The following POLR1B variants were observed in gnomAD, a reference collection of about 807,000 sequenced individuals.
POLR1B encodes DNA-directed RNA polymerase I subunit RPA2.
In POLR1B, 30 loss-of-function variants were observed where a neutral mutation model predicts 105.8. The ratio of observed to expected loss-of-function variants is 0.28; its 90% confidence interval spans 0.21 to 0.38. The LOEUF (loss-of-function observed/expected upper bound fraction) is 0.38, where lower values mean the gene tolerates loss of function less well. POLR1B is among the 10% of genes least tolerant of loss of function. POLR1B has a pLI of 1.00. For missense variants in POLR1B, 976 were observed against 1,435.8 expected, an observed-to-expected ratio of 0.68 and a Z score of 5.17; for synonymous variants, 485 against 505.1, an observed-to-expected ratio of 0.96 and a Z score of 0.53.
intron 7 of POLR1B, among the ~76,000 whole-genome samples, chr2:112,557,319 T>G (rs144371184): frequency 1.5e-3 from 230 of 152,328 alleles, no homozygotes; most frequent in Admixed American, 2.5e-3. Context: ...GCTGTAATTT[T>G]GGAATTGCAG....
intron 7 of POLR1B, among the ~76,000 whole-genome samples, chr2:112,554,237 A>G (rs867643925): frequency 1.3e-4 from 20 of 152,090 alleles, no homozygotes; most frequent in African/African-American, 3.9e-4. Context: ...GGTTCAAACA[A>G]TTCTCCTGCC....
chr2:112,550,708 T>G, intron 4 of POLR1B, 158 bp from the exon 5 acceptor site: 3 of 678,392 alleles, frequency 4.4e-6, no homozygotes, highest in East Asian at 5.5e-5. Flanking sequence ...AAGAGGACAT[T>G]TGCTGAGGTT....
Position 112,542,560 on chromosome 2 carries a change from C to T in POLR1B, c.66C>T (p.Pro22=), listed in dbSNP as rs1682812007. Residue 22 remains proline (P), a synonymous_variant, in exon 1 of 15, where the codon CCC becomes CCT. Transcript: ENST00000263331. ...SGPSLKHLTD[P]SYGIPREQQK... is the part of the protein sequence containing the mutation. Reference sequence around the variant, plus strand: ...CTAGCCTAAAGCACTTGACTGACCCCTCTTATGGAATCCCGCGGGAACAGC... The same window carrying T: ...CTAGCCTAAAGCACTTGACTGACCCTTCTTATGGAATCCCGCGGGAACAGC... 6.2e-7 allele frequency: 1 copy of T among 1,614,210 alleles called. No homozygotes were observed. The highest frequency in any genetic ancestry group is 1.1e-5 in the South Asian group (1 of 91,086).
At position 112,549,385 on chromosome 2, in the gene POLR1B, G is replaced by A. The variant is rs751866321; in HGVS notation, c.611G>A (p.Gly204Asp). The change falls in exon 4 of 15, where the codon GGT becomes GAT. Residue 204 changes from glycine to aspartate, a missense_variant. Transcript: ENST00000263331. Reference sequence around the variant, plus strand: ...CCAAAATGGAAAACCAGAGGGCCTGGTTATACTCAGTATGGTAAGTTCTGG... The same window carrying A: ...CCAAAATGGAAAACCAGAGGGCCTGATTATACTCAGTATGGTAAGTTCTGG... ...IRPKWKTRGP[G>D]YTQYGVSMHC... 4.3e-6 allele frequency: 7 copies of A among 1,611,224 alleles called. No individual in the cohort carries two copies. The highest frequency in any genetic ancestry group is 5.1e-6 in the Non-Finnish European group (6 of 1,178,876).
chr2:112,567,854 G>A (rs1224984158), intron 10 of POLR1B, 113 bp from the exon 11 acceptor site: 1 of 872,098 alleles, frequency 1.1e-6, no homozygotes, highest in Non-Finnish European at 1.8e-6. Context: ...CAAGGAAGTA[G>A]GGCTTTTACC....
At chr2:112,545,323 C>T (rs1467003628) in intron 1 of POLR1B, among the ~76,000 whole-genome samples, 1 of 152,068 alleles carries the variant, frequency 6.6e-6, no homozygotes, top group Non-Finnish European at 1.5e-5. Context: ...GTGTATTGAT[C>T]AGTGGATGAA....
intron 1 of POLR1B, among the ~76,000 whole-genome samples, chr2:112,544,881 T>A (rs1574086562): frequency 1.3e-5 from 2 of 152,174 alleles, no homozygotes; most frequent in African/African-American, 2.4e-5. Context: ...TTTTTATTAC[T>A]TGGGGATTCC....
rs534764498 is a variant in POLR1B at position 112,579,109 on chromosome 2, G to A, written c.*3380G>A. ...TGTAATCCCAGCTACTCAGGAGGCTGAGACAGGAGAATCACTTGAACCCAG... is the reference window on the plus strand; with the variant it reads ...TGTAATCCCAGCTACTCAGGAGGCTAAGACAGGAGAATCACTTGAACCCAG... On this transcript the variant is annotated 3_prime_UTR_variant, in exon 15 of 15. Coordinates refer to ENST00000263331, the MANE Select transcript of POLR1B (RefSeq NM_019014.6). Among the ~76,000 whole-genome samples the A allele has an allele frequency of 1.2e-4, 18 of 147,620 alleles. No homozygotes were observed. The highest frequency in any genetic ancestry group is 2.7e-4 in the African/African-American group (11 of 40,174).
In POLR1B at chr2:112,568,959, A is replaced by G. The variant is rs954623467; in HGVS notation, c.2074+57A>G. 2.7e-6 allele frequency: 4 copies of G among 1,507,394 alleles called. No individual in the cohort carries two copies. In the African/African-American group the frequency reaches 5.5e-5, roughly 21 times the overall value. 93.4% of individuals were successfully genotyped at this position (1,507,394 alleles called of 1,614,324 possible). On this transcript the variant is annotated intron_variant, in intron 12 of 14. Coordinates refer to ENST00000263331, the MANE Select transcript of POLR1B (RefSeq NM_019014.6). ...TCAGGAAAGTAAACTTGATACTAGC[A>G]CACTCTTTTATTGTCCTTATTTACA...
intron 10 of POLR1B, among the ~76,000 whole-genome samples, chr2:112,567,491 C>T (rs1308562851): frequency 6.6e-6 from 1 of 151,942 alleles, no homozygotes; most frequent in Non-Finnish European, 1.5e-5. Flanking sequence ...GTGATCCTCC[C>T]ACCTCAGCCT....
At chr2:112,562,978 C>T (rs1246331966) in intron 9 of POLR1B, among the ~76,000 whole-genome samples, 1 of 151,560 alleles carries the variant, frequency 6.6e-6, no homozygotes, top group Non-Finnish European at 1.5e-5. Flanking sequence ...ATCTGCCTGC[C>T]TCGGCCTCCC....
chr2:112,551,663 A>G lies in POLR1B; in HGVS notation c.763-112A>G, dbSNP rs1471482663. 6.0e-6 allele frequency: 5 copies of G among 829,666 alleles called. No homozygotes were observed. The Admixed American group carries it at 1.1e-4, about 18-fold the overall frequency. 51.4% of individuals were successfully genotyped at this position (829,666 alleles called of 1,614,324 possible). ...GAGTTTACTTTGATTCAGCAATAGC[A>G]GAGTGCTAATTTTCCTTGGGTATTA... On this transcript the variant is annotated intron_variant, in intron 5 of 14. Coordinates refer to ENST00000263331, the MANE Select transcript of POLR1B (RefSeq NM_019014.6).
intron 9 of POLR1B, among the ~76,000 whole-genome samples, chr2:112,561,966 G>A (rs1684012668): frequency 6.6e-6 from 1 of 151,918 alleles, no homozygotes; most frequent in South Asian, 2.1e-4. Context: ...GCCACCATGC[G>A]AAGCCTGGAA....
Position 112,552,755 on chromosome 2 carries a change from C to T in POLR1B, c.1097C>T (p.Pro366Leu). 1.2e-6 allele frequency: 2 copies of T among 1,610,208 alleles called. No individual in the cohort carries two copies. Among genetic ancestry groups the T allele is most frequent in the Non-Finnish European group, 1.7e-6 (2 of 1,178,560 alleles). ...LAKGECMEDN[P>L]DSLVNQEVLT... is the part of the protein sequence containing the mutation. ...AAAGGAGAGTGCATGGAGGACAATC[C>T]TGATAGTTTGGTGAACCAGGAAGTC... The change falls in exon 7 of 15, where the codon CCT becomes CTT. Residue 366 changes from proline to leucine, a missense_variant. Pro to Leu is a moderately conservative substitution (Grantham distance 98). Around this residue, in one of 12 missense-constraint regions of POLR1B, gnomAD observed 452 missense variants for 616.5 expected, o/e 0.73. Transcript: ENST00000263331.
chr2:112,545,447 G>A (rs1320545441), intron 1 of POLR1B, among the ~76,000 whole-genome samples: 1 of 152,170 alleles, frequency 6.6e-6, no homozygotes, highest in Non-Finnish European at 1.5e-5. Flanking sequence ...TTGATGAAAT[G>A]TGACCAGAGG....
chr2:112,573,451 A>T (rs1333236041), intron 13 of POLR1B, 111 bp from the exon 14 acceptor site: 1 of 1,352,768 alleles, frequency 7.4e-7, no homozygotes, highest in African/African-American at 1.5e-5. Flanking sequence ...AATGTGAGGA[A>T]AGTTAAAATG....
intron 12 of POLR1B, among the ~76,000 whole-genome samples, chr2:112,569,628 C>T (rs897942094): frequency 1.3e-5 from 2 of 149,960 alleles, no homozygotes; most frequent in East Asian, 2.0e-4. Context: ...GGTGTGATCT[C>T]GGCTTACTGC....
In POLR1B at chr2:112,542,640, C is replaced by T. The variant is rs758443358; in HGVS notation, c.146C>T (p.Ala49Val). The change falls in exon 1 of 15, where the codon GCT (alanine) becomes GTT (valine). Residue 49 changes from alanine (A) to valine (V), a missense_variant. Ala to Val is a moderately conservative substitution (Grantham distance 64). Coordinates refer to ENST00000263331, the MANE Select transcript of POLR1B (RefSeq NM_019014.6). ...TRAHVESFNY[A>V]VHEGLGLAVQ... ...GCGCACGTGGAGTCCTTCAACTACG[C>T]TGTGCACGAGGGTCTCGGCCTCGCG... 2 of 1,613,970 alleles carry T rather than the reference C, an allele frequency of 1.2e-6. No homozygotes were observed. The highest frequency in any genetic ancestry group is 1.3e-5 in the African/African-American group (1 of 75,080).
In POLR1B at chr2:112,559,276, A is replaced by G. The variant is rs1200397553; in HGVS notation, c.1331-17A>G. 1 of 1,608,002 alleles carries G rather than the reference A, an allele frequency of 6.2e-7. No individual in the cohort carries two copies. Among genetic ancestry groups the G allele is most frequent in the Non-Finnish European group, 8.5e-7 (1 of 1,175,832 alleles). Reference sequence around the variant, plus strand: ...CAAAAGATTGGCCCATTTTTGAATGACTTTTGTTTTATTAAGGTCTTGGCC... The same window carrying G: ...CAAAAGATTGGCCCATTTTTGAATGGCTTTTGTTTTATTAAGGTCTTGGCC... On this transcript the variant is annotated splice_polypyrimidine_tract_variant and intron_variant, in intron 8 of 14. Coordinates refer to ENST00000263331, the MANE Select transcript of POLR1B (RefSeq NM_019014.6).
Sources: gnomAD v4.1 joint callset for allele counts (sites outside exome capture counted in the v4.1 genomes callset) on GRCh38, gnomAD v4.1.1 for gene constraint, gnomAD v4.1.1 regional missense constraint, MANE v1.5 for transcripts, NCBI Gene and HGNC (gene_info 2026-07-23, HGNC 2026-07-21) for gene names.